Variants in ABLIM1 observed in about 807,000 individuals in gnomAD.
ABLIM1 encodes the protein actin-binding LIM protein 1.
Under a neutral mutation model 107.0 loss-of-function variants are expected in ABLIM1, and 40 were observed. The ratio of observed to expected loss-of-function variants is 0.37; its 90% CI spans 0.29 to 0.49. ABLIM1 has a LOEUF of 0.49. Ranked by LOEUF, ABLIM1 falls within the 20% of genes least tolerant of loss-of-function variation. The pLI, the probability that ABLIM1 is intolerant of heterozygous loss-of-function variation, is 0.97. For synonymous variants in ABLIM1, 357 were observed against 357.3 expected (o/e 1.00, Z 0.01); for missense variants, 857 against 1,008.5 (o/e 0.85, Z 2.04).
chr10:114,510,598 A>G (rs1232612313), intron 6 of ABLIM1, among the ~76,000 whole-genome samples: 3 of 152,074 alleles, frequency 2.0e-5, no homozygotes, highest in East Asian at 1.9e-4. Flanking sequence ...CAAAATACCA[A>G]TGCTCCAAGC....
chr10:114,634,208 C>A (rs2078357473), intron 1 of ABLIM1, among the ~76,000 whole-genome samples: 1 of 131,484 alleles, frequency 7.6e-6, no homozygotes, highest in Non-Finnish European at 1.6e-5. Context: ...TCTCGGCTCA[C>A]TGCAAGCTCC....
intron 11 of ABLIM1, among the ~76,000 whole-genome samples, chr10:114,467,901 T>C (rs1418187850): frequency 1.3e-5 from 2 of 152,174 alleles, no homozygotes; most frequent in African/African-American, 4.8e-5. Flanking sequence ...TTGGGACAAG[T>C]GACTTATGTT....
chr10:114,580,490 G>A (rs192857036), intron 2 of ABLIM1, among the ~76,000 whole-genome samples: 27 of 152,240 alleles, frequency 1.8e-4, no homozygotes, highest in African/African-American at 6.3e-4. Flanking sequence ...TGGGAATATA[G>A]GCATGAACCA....
At chr10:114,709,888 T>C (rs528709430) in intron 1 of ABLIM1, among the ~76,000 whole-genome samples, 1 of 152,360 alleles carries the variant, frequency 6.6e-6, no homozygotes, top group African/African-American at 2.4e-5. Context: ...TTTGTGTTCA[T>C]AATTTTTTAT....
In ABLIM1 at chr10:114,601,883, C is replaced by G. The variant is rs770251055; in HGVS notation, c.323G>C (p.Gly108Ala). The G allele has an allele frequency of 3.1e-6, 5 of 1,614,182 alleles. No homozygotes were observed. The highest frequency in any genetic ancestry group is 4.2e-6 in the Non-Finnish European group (5 of 1,180,032). The change falls in exon 2 of 23, where the codon GGT becomes GCT. Residue 108 changes from glycine (G) to alanine (A), a missense_variant. Physicochemically the swap from Gly to Ala is moderately conservative, Grantham distance 60. Around this residue, in one of 5 missense-constraint regions of ABLIM1, gnomAD observed 176 missense variants for 173.5 expected, o/e 1.01. Coordinates refer to ENST00000533213, the MANE Select transcript of ABLIM1 (RefSeq NM_002313.7). ...HCHKCGEPCK[G>A]EVLRVQTKHF... ...TTTGGTCTGGACCCGAAGCACTTCACCCTTGCAAGGCTCCCCACATTTATG... is the reference window on the plus strand; with the variant it reads ...TTTGGTCTGGACCCGAAGCACTTCAGCCTTGCAAGGCTCCCCACATTTATG...
rs1377793640 is a variant in ABLIM1 at position 114,566,090 on chromosome 10, C to T, written c.673+5207G>A. On this transcript the variant is annotated intron_variant, in intron 4 of 22. Coordinates refer to ENST00000533213, the MANE Select transcript of ABLIM1 (RefSeq NM_002313.7). ...GATTAGAGGCGTGAGCCACCGCGCC[C>T]GGTCGAAATGATTTCAATTCAGTCA... is the stretch of plus-strand genomic sequence containing the variant. 2.0e-5 allele frequency among the ~76,000 whole-genome samples: 3 copies of T among 152,094 alleles called. 1 individual carries two copies. The highest frequency in any genetic ancestry group is 4.8e-5 in the African/African-American group (2 of 41,432).
chr10:114,670,108 G>A (rs2080187556), intron 1 of ABLIM1, among the ~76,000 whole-genome samples: 1 of 152,186 alleles, frequency 6.6e-6, no homozygotes, highest in Non-Finnish European at 1.5e-5. Flanking sequence ...GAACTAGATG[G>A]AAACAAAGTC....
At chr10:114,700,418 G>A (rs1010059087) in intron 1 of ABLIM1, among the ~76,000 whole-genome samples, 12 of 151,838 alleles carry the variant, frequency 7.9e-5, no homozygotes, top group African/African-American at 2.9e-4. Flanking sequence ...AGGTGTTTTA[G>A]ATAAAAGTTG....
At chr10:114,717,976 GAGAA>G (rs1248843196) in intron 1 of ABLIM1, among the ~76,000 whole-genome samples, 49 of 99,982 alleles carry the variant, frequency 4.9e-4, no homozygotes, top group Middle Eastern at 4.3e-3. Flanking sequence ...AGAAGGGAAA[GAGAA>G]AGAAAGAAAG....
chr10:114,565,492 A>G (rs897621570), intron 4 of ABLIM1, among the ~76,000 whole-genome samples: 2 of 152,194 alleles, frequency 1.3e-5, no homozygotes, highest in Admixed American at 1.3e-4. Context: ...ATCTATGACC[A>G]TCCCATTTCA....
At chr10:114,759,555 G>A (rs2082700458) in intron 1 of ABLIM1, among the ~76,000 whole-genome samples, 1 of 152,146 alleles carries the variant, frequency 6.6e-6, no homozygotes, top group East Asian at 1.9e-4. Flanking sequence ...GCTAAACGCT[G>A]TTAGTCTCTG....
intron 1 of ABLIM1, among the ~76,000 whole-genome samples, chr10:114,672,525 G>A (rs1423690509): frequency 6.6e-6 from 1 of 152,126 alleles, no homozygotes; most frequent in Non-Finnish European, 1.5e-5. Flanking sequence ...TATTGGATAT[G>A]AGTATGTTTT....
the ABLIM1 span, among the ~76,000 whole-genome samples, chr10:114,775,301 G>GT: frequency 6.6e-6 from 1 of 152,156 alleles, no homozygotes; most frequent in East Asian, 1.9e-4. Flanking sequence ...TGAGATTTGG[G>GT]TGGGGACACA....
chr10:114,769,441 AAGAAAG>A (rs2082989062), upstream of ABLIM1, among the ~76,000 whole-genome samples: 1 of 42,310 alleles, frequency 2.4e-5, no homozygotes, highest in Non-Finnish European at 7.9e-5. Context: ...GAAAGAAAGA[AAGAAAG>A]AAAGAAAGAA....
upstream of ABLIM1, among the ~76,000 whole-genome samples, chr10:114,659,094 C>T (rs1212272033): frequency 2.6e-5 from 4 of 152,192 alleles, no homozygotes; most frequent in African/African-American, 9.7e-5. Context: ...ACTCCTTCTC[C>T]TGTCATTGGG....
intron 1 of ABLIM1, among the ~76,000 whole-genome samples, chr10:114,651,463 G>A (rs1026176937): frequency 2.0e-5 from 3 of 152,182 alleles, no homozygotes; most frequent in African/African-American, 4.8e-5. Context: ...TGGGGAGACT[G>A]TGCCAGGCAG....
chr10:114,596,128 C>T (rs371840982), intron 2 of ABLIM1, among the ~76,000 whole-genome samples: 1 of 152,222 alleles, frequency 6.6e-6, no homozygotes. Context: ...TCTATCAACC[C>T]TAACTTTGTC....
At chr10:114,644,077 A>C (rs993844340) in intron 1 of ABLIM1, among the ~76,000 whole-genome samples, 18 of 150,700 alleles carry the variant, frequency 1.2e-4, no homozygotes, top group East Asian at 5.8e-4. Context: ...GTCAGGAGAT[A>C]GAGACCACCC....
At chr10:114,669,319 A>C (rs1383186349) in intron 1 of ABLIM1, among the ~76,000 whole-genome samples, 1 of 152,228 alleles carries the variant, frequency 6.6e-6, no homozygotes, top group African/African-American at 2.4e-5. Flanking sequence ...AAAACAAAAC[A>C]AACAAAACAA....
Sources: gnomAD v4.1 joint callset for allele counts (sites outside exome capture counted in the v4.1 genomes callset) on GRCh38, gnomAD v4.1.1 for gene constraint, gnomAD v4.1.1 regional missense constraint, MANE v1.5 for transcripts, NCBI Gene and HGNC (gene_info 2026-07-23, HGNC 2026-07-21) for gene names.